Variants in FILIP1L observed in about 807,000 individuals in gnomAD.
FILIP1L encodes the protein filamin A-interacting protein 1-like.
A neutral mutation model predicts 96.6 loss-of-function variants in FILIP1L; 55 were observed. The ratio of observed to expected loss-of-function variants is 0.57; its 90% CI spans 0.46 to 0.71. FILIP1L has a LOEUF of 0.71. Among genes scored for constraint, FILIP1L ranks in the 30% least tolerant of loss-of-function variants. FILIP1L has a pLI of 0.00. For missense variants in FILIP1L, 1,304 were observed against 1,321.2 expected (o/e 0.99, Z 0.20); for synonymous variants, 467 against 473.9 (o/e 0.99, Z 0.19).
At chr3:100,060,862 G>A (rs961866122) in intron 1 of FILIP1L, among the ~76,000 whole-genome samples, 2 of 151,814 alleles carry the variant, frequency 1.3e-5, no homozygotes, top group African/African-American at 2.4e-5. Flanking sequence ...ATCTTGTCTC[G>A]AAAAAATAAA....
intron 5 of FILIP1L, among the ~76,000 whole-genome samples, chr3:99,846,556 G>A (rs1943372564): frequency 6.6e-6 from 1 of 152,182 alleles, no homozygotes; most frequent in African/African-American, 2.4e-5. Flanking sequence ...TTGGGTCACT[G>A]TTGATTCCTA....
At chr3:100,037,958 G>GA (rs1559735195) in intron 1 of FILIP1L, among the ~76,000 whole-genome samples, 31 of 10,050 alleles carry the variant, frequency 3.1e-3, no homozygotes, top group Non-Finnish European at 2.3e-3. Context: ...TTTTTTTTTG[G>GA]GGGGGGAGGG....
chr3:100,082,151 T>G (rs1470276835), intron 1 of FILIP1L, among the ~76,000 whole-genome samples: 1 of 152,150 alleles, frequency 6.6e-6, no homozygotes, highest in Non-Finnish European at 1.5e-5. Flanking sequence ...AAACAACTCT[T>G]TATTTTCCCA....
At chr3:100,081,845 G>A (rs2065936731) in intron 1 of FILIP1L, among the ~76,000 whole-genome samples, 1 of 152,142 alleles carries the variant, frequency 6.6e-6, no homozygotes, top group African/African-American at 2.4e-5. Flanking sequence ...ATTGTAGGAT[G>A]TTTAGCAGCA....
intron 1 of FILIP1L, among the ~76,000 whole-genome samples, chr3:100,085,037 T>C (rs546711562): frequency 6.6e-6 from 1 of 152,240 alleles, no homozygotes; most frequent in Non-Finnish European, 1.5e-5. Flanking sequence ...TAAATATGTA[T>C]GTATGGTACA....
intron 4 of FILIP1L, among the ~76,000 whole-genome samples, chr3:99,896,788 G>C (rs771608680): frequency 6.6e-6 from 1 of 152,236 alleles, no homozygotes; most frequent in East Asian, 1.9e-4. Context: ...AACGGTTTTT[G>C]TTCCACAATA....
In FILIP1L at chr3:99,842,057, G is replaced by A. The variant is rs1056490518; in HGVS notation, c.3381+6238C>T. On this transcript the variant is annotated intron_variant, in intron 5 of 5. Coordinates refer to ENST00000477258, the MANE Select transcript of FILIP1L (RefSeq NM_001387850.1). ...AAGTGTGTTTATGGCAGCACAATTC[G>A]CAATTGCAAAAATATGGAACCAGCT... Among the ~76,000 whole-genome samples, 7 of 152,160 alleles carry A rather than the reference G, an allele frequency of 4.6e-5. 1 individual carries two copies. The highest frequency in any genetic ancestry group is 6.5e-5 in the Admixed American group (1 of 15,286).
intron 4 of FILIP1L, among the ~76,000 whole-genome samples, chr3:99,852,612 A>G (rs1254316978): frequency 6.6e-6 from 1 of 151,772 alleles, no homozygotes; most frequent in African/African-American, 2.4e-5. Context: ...CGCCCAGCTA[A>G]TTTTTGTATT....
intron 4 of FILIP1L, among the ~76,000 whole-genome samples, chr3:99,873,628 T>C (rs1320844021): frequency 1.3e-5 from 2 of 152,194 alleles, no homozygotes; most frequent in African/African-American, 2.4e-5. Flanking sequence ...CAGTTTTTTT[T>C]CTTAAATCTC....
At chr3:99,924,472 T>C in intron 3 of FILIP1L, 64 bp from the exon 4 acceptor site, 3 of 1,451,204 alleles carry the variant, frequency 2.1e-6, no homozygotes, top group Non-Finnish European at 1.9e-6. Context: ...TTTCACTCTT[T>C]TAGAAATGTC....
intron 1 of FILIP1L, among the ~76,000 whole-genome samples, chr3:100,052,041 T>G (rs574939075): frequency 6.6e-6 from 1 of 151,972 alleles, no homozygotes; most frequent in South Asian, 2.1e-4. Flanking sequence ...CAACTCACCC[T>G]TAAATGATCT....
chr3:100,066,838 G>A (rs1387542517), intron 1 of FILIP1L, among the ~76,000 whole-genome samples: 1 of 152,084 alleles, frequency 6.6e-6, no homozygotes, highest in Non-Finnish European at 1.5e-5. Context: ...ACCACCCAGG[G>A]ACCAGACCAA....
rs765926299 is a variant in FILIP1L, at chr3:99,848,581, A to C, written c.3095T>G (p.Phe1032Cys). ...TGACTGCCGGTCTGGGGAGACTCTG[A>C]ATATCGCATGCTTGGCACTGATTTC... is the stretch of plus-strand genomic sequence containing the variant. ...PTEISAKHAI[F>C]RVSPDRQSSW... is the part of the protein sequence containing the mutation. The change falls in exon 5 of 6, where the codon TTC becomes TGC. Residue 1032 changes from phenylalanine (F) to cysteine (C), a missense_variant. Coordinates refer to ENST00000477258, the MANE Select transcript of FILIP1L (RefSeq NM_001387850.1). 1.2e-6 allele frequency: 2 copies of C among 1,614,168 alleles called. No homozygotes were observed. Among genetic ancestry groups the C allele is most frequent in the South Asian group, 1.1e-5 (1 of 91,082 alleles).
intron 1 of FILIP1L, among the ~76,000 whole-genome samples, chr3:99,996,012 G>C (rs888799358): frequency 6.6e-6 from 1 of 152,192 alleles, no homozygotes; most frequent in Non-Finnish European, 1.5e-5. Flanking sequence ...TGTTACTTAT[G>C]TAAATTTCTG....
Position 99,900,969 on chromosome 3 carries a change from T to A in FILIP1L, c.605+23261A>T, listed in dbSNP as rs1403414702. Among the ~76,000 whole-genome samples, 11 of 152,272 alleles carry A rather than the reference T, an allele frequency of 7.2e-5. No individual in the cohort carries two copies. In the South Asian group the frequency reaches 1.2e-3, roughly 17 times the overall value. On this transcript the variant is annotated intron_variant, in intron 4 of 5. Transcript: ENST00000477258. ...GTAGTAGGATCTGGACCCTGGAGAA[T>A]CCAGGAGTTGAAACTCAAGCCAGTT...
At chr3:99,845,734 A>C (rs1007836532) in intron 5 of FILIP1L, among the ~76,000 whole-genome samples, 1 of 152,236 alleles carries the variant, frequency 6.6e-6, no homozygotes, top group African/African-American at 2.4e-5. Flanking sequence ...GATGTTTTGC[A>C]GAAATTATGC....
At chr3:99,900,206 G>A (rs1476838695) in intron 4 of FILIP1L, among the ~76,000 whole-genome samples, 2 of 152,034 alleles carry the variant, frequency 1.3e-5, no homozygotes, top group Non-Finnish European at 2.9e-5. Context: ...ACTACAGGAT[G>A]GAAGTCAAAA....
rs1576067229 is a variant in FILIP1L, at chr3:100,105,020, A to G, written c.-11+9033T>C. On this transcript the variant is annotated intron_variant, in intron 1 of 5. Transcript: ENST00000477258. ...TTTCTGCTCATGACATGATTTATGT[A>G]TATAAGAATCTTCATTTACAGATTG... 4.6e-5 allele frequency among the ~76,000 whole-genome samples: 7 copies of G among 152,332 alleles called. No individual in the cohort carries two copies. The South Asian group carries it at 1.4e-3, about 32-fold the overall frequency.
chr3:100,091,966 T>C (rs768434756), intron 1 of FILIP1L, among the ~76,000 whole-genome samples: 4 of 152,236 alleles, frequency 2.6e-5, no homozygotes, highest in Admixed American at 6.5e-5. Flanking sequence ...CGCTGATCTT[T>C]ACCAGCTATC....
Sources: gnomAD v4.1 joint callset for allele counts (sites outside exome capture counted in the v4.1 genomes callset) on GRCh38, gnomAD v4.1.1 for gene constraint, MANE v1.5 for transcripts, NCBI Gene and HGNC (gene_info 2026-07-23, HGNC 2026-07-21) for gene names.